The following ZNF891 variants were observed in gnomAD, a reference collection of about 807,000 sequenced individuals.
ZNF891 encodes hCG1646157.
For missense variants in ZNF891, 589 were observed against 632.7 expected (o/e 0.93, Z 0.74); for synonymous variants, 199 against 209.0 (o/e 0.95, Z 0.41).
rs1463897691 is a variant in ZNF891, at chr12:133,115,851, C to G, written c.*4433G>C. 1 of 152,094 alleles carries G rather than the reference C, an allele frequency of 6.6e-6. No individual in the cohort carries two copies. Among genetic ancestry groups the G allele is most frequent in the African/African-American group, 2.4e-5 (1 of 41,394 alleles). The allele number at this position is 152,094 out of a possible 1,614,324, so 9.4% of individuals were successfully genotyped here. On this transcript the variant is annotated 3_prime_UTR_variant, in exon 2 of 2. Coordinates refer to ENST00000537226, the MANE Select transcript of ZNF891 (RefSeq NM_001277291.2). ...GGATTTTGGAATATTTGCATTATAC[C>G]TACTAGTTGAGCATCACAAATCTGA...
Position 133,106,864 on chromosome 12 carries a change from C to T in ZNF891, c.*13420G>A, listed in dbSNP as rs1231638638. ...CCACTCTTTTATTTTTTTGCAATAACAAGGTGAAATCAATATTGTTGAGAA... is the reference window on the plus strand; with the variant it reads ...CCACTCTTTTATTTTTTTGCAATAATAAGGTGAAATCAATATTGTTGAGAA... On this transcript the variant is annotated 3_prime_UTR_variant, in exon 2 of 2. Coordinates refer to ENST00000537226, the MANE Select transcript of ZNF891 (RefSeq NM_001277291.2). The T allele has an allele frequency of 9.5e-6, 4 of 420,584 alleles. No individual in the cohort carries two copies. The highest frequency in any genetic ancestry group is 1.7e-5 in the Non-Finnish European group (4 of 238,712). 26.1% of individuals were successfully genotyped at this position (420,584 alleles called of 1,614,324 possible). A position where few individuals can be genotyped will look rare whatever the true frequency, so the allele number is the denominator to read the frequency against.
At chr12:133,125,869 G>C (rs1454703285) in intron 1 of ZNF891, 2 of 502,386 alleles carry the variant, frequency 4.0e-6, no homozygotes, top group Admixed American at 4.0e-5. Flanking sequence ...CCTTGATCAG[G>C]CCTGATGGAG....
intron 1 of ZNF891, among the ~76,000 whole-genome samples, chr12:133,129,594 G>T (rs1015827549): frequency 2.0e-5 from 3 of 152,224 alleles, no homozygotes; most frequent in East Asian, 3.9e-4. Context: ...GGCGGGCGGG[G>T]GGCGGTGAGG....
chr12:133,106,611 ATT>A lies in ZNF891; in HGVS notation c.*13671_*13672del. 6.2e-7 allele frequency: 1 copy of A among 1,604,960 alleles called. No homozygotes were observed. Among genetic ancestry groups the A allele is most frequent in the East Asian group, 2.2e-5 (1 of 44,844 alleles). On this transcript the variant is annotated 3_prime_UTR_variant, in exon 2 of 2. Transcript: ENST00000537226. ...CTTGACAACCCCTATGAATATGAAA[ATT>A]CATTTAATTACCACTCATTCCTTAC...
Position 133,120,710 on chromosome 12 carries a change from A to T in ZNF891, c.1209T>A (p.Pro403=). 1.3e-6 allele frequency: 2 copies of T among 1,557,710 alleles called. No individual in the cohort carries two copies. Among genetic ancestry groups the T allele is most frequent in the Admixed American group, 1.9e-5 (1 of 51,742 alleles). The change falls in exon 2 of 2, where the codon CCT becomes CCA. Residue 403 remains proline, a synonymous_variant. Transcript: ENST00000537226. ...ATTTTCCACACTGATTACATTCATA[A>T]GGTTTCTCTCCAGTGTGAGTTCTCA... ...AHMRTHTGEK[P]YECNQCGKSF...
chr12:133,105,135 A>G lies in ZNF891; in HGVS notation c.*15149T>C, dbSNP rs1955542198. On this transcript the variant is annotated 3_prime_UTR_variant, in exon 2 of 2. Transcript: ENST00000537226. ...GAACAGAATCTAATGTCTTTGTGCA[A>G]TCTGACGAACACTTAGTGTTTAGTA... Among the ~76,000 whole-genome samples, 1 of 152,182 alleles carries G rather than the reference A, an allele frequency of 6.6e-6. No homozygotes were observed. The highest frequency in any genetic ancestry group is 2.4e-5 in the African/African-American group (1 of 41,452).
chr12:133,112,335 T>G lies in ZNF891; in HGVS notation c.*7949A>C, dbSNP rs1290530026. ...TTTCTCATGGAGACCTTCTTTTTTT[T>G]TTTTGAGACACAGTCTTGCTCTGTC... On this transcript the variant is annotated 3_prime_UTR_variant, in exon 2 of 2. Transcript: ENST00000537226. 6.6e-6 allele frequency: 1 copy of G among 152,158 alleles called. No individual in the cohort carries two copies. Among genetic ancestry groups the G allele is most frequent in the Non-Finnish European group, 1.5e-5 (1 of 68,076 alleles). The allele number at this position is 152,158 out of a possible 1,614,324, so 9.4% of individuals were successfully genotyped here.
intron 1 of ZNF891, among the ~76,000 whole-genome samples, chr12:133,129,471 A>G (rs1171456332): frequency 6.8e-6 from 1 of 147,962 alleles, no homozygotes; most frequent in Non-Finnish European, 1.5e-5. Context: ...ATTGCACTCC[A>G]GCCTGGGCAA....
rs570372258 is a variant in ZNF891, at chr12:133,110,197, G to A, written c.*10087C>T. 12 of 152,286 alleles carry A rather than the reference G, an allele frequency of 7.9e-5. No individual in the cohort carries two copies. The highest frequency in any genetic ancestry group is 4.1e-4 in the South Asian group (2 of 4,824). The allele number at this position is 152,286 out of a possible 1,614,324, so 9.4% of individuals were successfully genotyped here. A position where few individuals can be genotyped will look rare whatever the true frequency, so the allele number is the denominator to read the frequency against. Reference sequence around the variant, plus strand: ...TATCTGGTGGATTATAAAATACACCGAAGTAAATAGCACGACAATAGCACA... The same window carrying A: ...TATCTGGTGGATTATAAAATACACCAAAGTAAATAGCACGACAATAGCACA... On this transcript the variant is annotated 3_prime_UTR_variant, in exon 2 of 2. Coordinates refer to ENST00000537226, the MANE Select transcript of ZNF891 (RefSeq NM_001277291.2).
Position 133,109,192 on chromosome 12 carries a change from TAAGA to T in ZNF891, c.*11088_*11091del, listed in dbSNP as rs1955662279. 6.6e-6 allele frequency: 1 copy of T among 152,194 alleles called. No individual in the cohort carries two copies. The highest frequency in any genetic ancestry group is 1.5e-5 in the Non-Finnish European group (1 of 68,042). The allele number at this position is 152,194 out of a possible 1,614,324, so 9.4% of individuals were successfully genotyped here. On this transcript the variant is annotated 3_prime_UTR_variant, in exon 2 of 2. Coordinates refer to ENST00000537226, the MANE Select transcript of ZNF891 (RefSeq NM_001277291.2). ...CCAAAAGACATTCCCGTCAGGGTAT[TAAGA>T]AATACATTGGTGAGGAGTTTACCAC...
Position 133,120,894 on chromosome 12 carries a change from T to A in ZNF891, c.1025A>T (p.His342Leu). The change falls in exon 2 of 2, where the codon CAC (histidine) becomes CTC (leucine). Residue 342 changes from histidine to leucine, a missense_variant. Transcript: ENST00000537226. ...ACATTCATATTGTTTCTCACCCATG[T>A]GACTTTTCTTGTATAAAGTAAGATT... ...ISNLTLYKKSHMGEKQYECKE... is the reference protein window; with the variant it reads ...ISNLTLYKKSLMGEKQYECKE... 1 of 1,539,068 alleles carries A rather than the reference T, an allele frequency of 6.5e-7. No homozygotes were observed. Among genetic ancestry groups the A allele is most frequent in the Middle Eastern group, 1.7e-4 (1 of 5,990 alleles).
chr12:133,121,832 CCTTTCCT>C lies in ZNF891; in HGVS notation c.80_86del (p.Glu27GlyfsTer2), dbSNP rs1451129436. ...AGGTTGTCAGAAATACAGCAATCAT[CCTTTCCT>C]CTTCAGCATTTCTCAGATGGAAACA... On this transcript the variant is annotated frameshift_variant, in exon 2 of 2. Coordinates refer to ENST00000537226, the MANE Select transcript of ZNF891 (RefSeq NM_001277291.2). LOFTEE classifies it low-confidence loss of function (END_TRUNC). 1 of 1,536,674 alleles carries C rather than the reference CCTTTCCT, an allele frequency of 6.5e-7. No homozygotes were observed. The highest frequency in any genetic ancestry group is 2.4e-5 in the East Asian group (1 of 40,916).
In ZNF891 at chr12:133,120,559, G is replaced by T. The variant is rs1211792175; in HGVS notation, c.1360C>A (p.His454Asn). 2 of 1,560,644 alleles carry T rather than the reference G, an allele frequency of 1.3e-6. No homozygotes were observed. Among genetic ancestry groups the T allele is most frequent in the Non-Finnish European group, 8.7e-7 (1 of 1,153,962 alleles). ...SSHLKVHKKI[H>N]TGENVYECSD... is the part of the protein sequence containing the mutation. Reference sequence around the variant, plus strand: ...CATTCATAAACATTCTCTCCGGTATGAATTTTCTTATGAACTTTAAGGTGA... The same window carrying T: ...CATTCATAAACATTCTCTCCGGTATTAATTTTCTTATGAACTTTAAGGTGA... Residue 454 changes from histidine to asparagine, a missense_variant, in exon 2 of 2, where the codon CAT (histidine) becomes AAT (asparagine). Physicochemically the swap from His to Asn is moderately conservative, Grantham distance 68. Transcript: ENST00000537226.
chr12:133,111,020 C>G lies in ZNF891; in HGVS notation c.*9264G>C, dbSNP rs1211128535. On this transcript the variant is annotated 3_prime_UTR_variant, in exon 2 of 2. Coordinates refer to ENST00000537226, the MANE Select transcript of ZNF891 (RefSeq NM_001277291.2). ...AAAGGACAGGAAATTTGTTAAATCC[C>G]TCTGAAGAGATCCAAGAAATTTCAG... 6.6e-6 allele frequency: 1 copy of G among 152,100 alleles called. No homozygotes were observed. Among genetic ancestry groups the G allele is most frequent in the African/African-American group, 2.4e-5 (1 of 41,420 alleles). The allele number at this position is 152,100 out of a possible 1,614,324, so 9.4% of individuals were successfully genotyped here.
chr12:133,106,011 A>C lies in ZNF891; in HGVS notation c.*14273T>G. On this transcript the variant is annotated 3_prime_UTR_variant, in exon 2 of 2. Coordinates refer to ENST00000537226, the MANE Select transcript of ZNF891 (RefSeq NM_001277291.2). ...AGAACGCACACTGGGGAGAAACCTT[A>C]TGAATGTACTGAGTGTGGAAAGGCC... 1 of 1,614,182 alleles carries C rather than the reference A, an allele frequency of 6.2e-7. No homozygotes were observed. Among genetic ancestry groups the C allele is most frequent in the East Asian group, 2.2e-5 (1 of 44,890 alleles).
At position 133,115,626 on chromosome 12, in the gene ZNF891, GTTTT is replaced by G. The variant is rs1955711883; in HGVS notation, c.*4654_*4657del. The G allele has an allele frequency of 6.6e-6, 1 of 151,942 alleles. No individual in the cohort carries two copies. Among genetic ancestry groups the G allele is most frequent in the Non-Finnish European group, 1.5e-5 (1 of 67,976 alleles). 9.4% of individuals were successfully genotyped at this position (151,942 alleles called of 1,614,324 possible). Reference sequence around the variant, plus strand: ...AACCACAAAGTTTTTGTTTTGTTTTGTTTTGTTTTTTAATAGGATACCATGGCAG... The same window carrying G: ...AACCACAAAGTTTTTGTTTTGTTTTGGTTTTTTAATAGGATACCATGGCAG... On this transcript the variant is annotated 3_prime_UTR_variant, in exon 2 of 2. Coordinates refer to ENST00000537226, the MANE Select transcript of ZNF891 (RefSeq NM_001277291.2).
Position 133,105,064 on chromosome 12 carries a change from T to C in ZNF891, c.*15220A>G, listed in dbSNP as rs1444057530. On this transcript the variant is annotated 3_prime_UTR_variant, in exon 2 of 2. Transcript: ENST00000537226. Reference sequence around the variant, plus strand: ...TAGGCAAGTTTTCAGAGAAACCGCTTTTTTTTTCATTTAGATTATTATAAG... The same window carrying C: ...TAGGCAAGTTTTCAGAGAAACCGCTCTTTTTTTCATTTAGATTATTATAAG... Among the ~76,000 whole-genome samples, 1 of 151,950 alleles carries C rather than the reference T, an allele frequency of 6.6e-6. No individual in the cohort carries two copies. The highest frequency in any genetic ancestry group is 1.5e-5 in the Non-Finnish European group (1 of 67,956).
chr12:133,117,172 C>G lies in ZNF891; in HGVS notation c.*3112G>C, dbSNP rs1425268130. Reference sequence around the variant, plus strand: ...AACCTCCTTGCAGAATTTCATCCACCTTCCTCTTAGCAGATAATCTTACCA... The same window carrying G: ...AACCTCCTTGCAGAATTTCATCCACGTTCCTCTTAGCAGATAATCTTACCA... On this transcript the variant is annotated 3_prime_UTR_variant, in exon 2 of 2. Coordinates refer to ENST00000537226, the MANE Select transcript of ZNF891 (RefSeq NM_001277291.2). 1 of 152,204 alleles carries G rather than the reference C, an allele frequency of 6.6e-6. No homozygotes were observed. Among genetic ancestry groups the G allele is most frequent in the African/African-American group, 2.4e-5 (1 of 41,444 alleles). The allele number at this position is 152,204 out of a possible 1,614,324, so 9.4% of individuals were successfully genotyped here.
At position 133,114,680 on chromosome 12, in the gene ZNF891, G is replaced by T. The variant is rs1955705746; in HGVS notation, c.*5604C>A. On this transcript the variant is annotated 3_prime_UTR_variant, in exon 2 of 2. Transcript: ENST00000537226. ...AATACACAAACAGGCAATACAGTGT[G>T]AAAGTGTGACAAGTATTGTTAAAGC... 1 of 152,234 alleles carries T rather than the reference G, an allele frequency of 6.6e-6. No individual in the cohort carries two copies. The highest frequency in any genetic ancestry group is 6.5e-5 in the Admixed American group (1 of 15,282). 9.4% of individuals were successfully genotyped at this position (152,234 alleles called of 1,614,324 possible).
Sources: gnomAD v4.1 joint callset for allele counts (sites outside exome capture counted in the v4.1 genomes callset) on GRCh38, gnomAD v4.1.1 for gene constraint, MANE v1.5 for transcripts, NCBI Gene and HGNC (gene_info 2026-07-23, HGNC 2026-07-21) for gene names.